Variants in SIRPB2 observed in about 807,000 individuals in gnomAD.
The protein encoded by SIRPB2 is signal-regulatory protein beta-2.
SIRPB2 carries 18 observed loss-of-function variants against 27.1 expected under a neutral mutation model. The ratio of observed to expected loss-of-function variants is 0.66; its 90% CI spans 0.46 to 0.98. The LOEUF is 0.98. Ranked by LOEUF, SIRPB2 falls within the 50% of genes least tolerant of loss-of-function variation. The pLI is 0.00. For missense variants in SIRPB2, 420 were observed against 417.4 expected (o/e 1.01, Z -0.06); for synonymous variants, 150 against 164.6 (o/e 0.91, Z 0.68).
intron 1 of SIRPB2, 33 bp downstream of exon 1, chr20:1,491,242 G>T: frequency 1.3e-6 from 2 of 1,587,060 alleles, no homozygotes; most frequent in Non-Finnish European, 1.7e-6. Flanking sequence ...ACCAGCCGGG[G>T]GTGGACCCTG....
At chr20:1,478,216 G>A (rs529515957) in intron 3 of SIRPB2, 50 bp downstream of exon 3, 13 of 1,561,346 alleles carry the variant, frequency 8.3e-6, no homozygotes, top group African/African-American at 5.4e-5. Context: ...AAAAATTCCT[G>A]TTGAATACCT....
In SIRPB2 at chr20:1,476,348, A is replaced by G; in HGVS notation, c.860-12T>C. The stretch of plus-strand genomic sequence containing the variant: ...CACAACCAGGAGGCCTGGGAGGCAC[A>G]GGAGAGAGCTCAGGCGGGACCCGTG... On this transcript the variant is annotated splice_polypyrimidine_tract_variant and intron_variant, in intron 4 of 4. Coordinates refer to ENST00000359801, the MANE Select transcript of SIRPB2 (RefSeq NM_001122962.2). The G allele has an allele frequency of 6.2e-7, 1 of 1,608,172 alleles. No homozygotes were observed. The highest frequency in any genetic ancestry group is 1.7e-5 in the Admixed American group (1 of 58,890).
downstream of SIRPB2, chr20:1,470,975 T>G: frequency 6.6e-6 from 1 of 152,190 alleles, no homozygotes; most frequent in East Asian, 1.9e-4. Context: ...CTACTGCTGT[T>G]TTTTGCCTGA....
chr20:1,478,620 AGGAGGTCCTT>A lies in SIRPB2; in HGVS notation c.452-23_452-14del. On this transcript the variant is annotated splice_polypyrimidine_tract_variant and intron_variant, in intron 2 of 4. Transcript: ENST00000359801. ...GGGTCCCCAGCTCCTGAAGCCAAAG[AGGAGGTCCTT>A]GTTGAATTCCCTCTCCTCTTCCATC... The A allele has an allele frequency of 6.5e-7, 1 of 1,541,890 alleles. No homozygotes were observed. Among genetic ancestry groups the A allele is most frequent in the Non-Finnish European group, 8.8e-7 (1 of 1,141,694 alleles).
intron 1 of SIRPB2, among the ~76,000 whole-genome samples, chr20:1,490,565 T>C (rs574505311): frequency 1.3e-5 from 2 of 152,028 alleles, no homozygotes; most frequent in Non-Finnish European, 2.9e-5. Context: ...TCGCCAAGAG[T>C]TATCAAATCT....
At chr20:1,482,904 G>A (rs1372515051) in intron 1 of SIRPB2, among the ~76,000 whole-genome samples, 3 of 151,932 alleles carry the variant, frequency 2.0e-5, no homozygotes, top group African/African-American at 7.3e-5. Flanking sequence ...GAATATTGCT[G>A]CAATAAACGT....
chr20:1,478,197 G>T lies in SIRPB2; in HGVS notation c.793+69C>A. On this transcript the variant is annotated intron_variant, in intron 3 of 4. Coordinates refer to ENST00000359801, the MANE Select transcript of SIRPB2 (RefSeq NM_001122962.2). ...GGCTGTGAAGAACTGGCTTGTTCGG[G>T]ACATGTAGAAAAATTCCTGTTGAAT... is the stretch of plus-strand genomic sequence containing the variant. 3.5e-6 allele frequency: 5 copies of T among 1,434,114 alleles called. 1 individual carries two copies. The highest frequency in any genetic ancestry group is 4.9e-6 in the Non-Finnish European group (5 of 1,026,076). 88.8% of individuals were successfully genotyped at this position (1,434,114 alleles called of 1,614,324 possible).
chr20:1,476,432 C>T (rs961988138), intron 4 of SIRPB2, 96 bp from the exon 5 acceptor site: 6 of 1,233,436 alleles, frequency 4.9e-6, no homozygotes, highest in Non-Finnish European at 6.7e-6. Flanking sequence ...CATCCTGCTG[C>T]TGTATAACCT....
At chr20:1,480,254 T>C (rs2090656874) in intron 1 of SIRPB2, 189 bp from the exon 2 acceptor site, 5 of 699,386 alleles carry the variant, frequency 7.1e-6, no homozygotes, top group East Asian at 2.7e-5. Flanking sequence ...AGCTATGCAA[T>C]GGCAAACCTA....
chr20:1,486,081 T>C (rs200682052), intron 1 of SIRPB2, among the ~76,000 whole-genome samples: 8 of 122,486 alleles, frequency 6.5e-5, no homozygotes, highest in South Asian at 6.5e-4. Flanking sequence ...CTTTTCTTTT[T>C]TTTTTTTTTG....
At chr20:1,479,052 A>C (rs1041567845) in intron 2 of SIRPB2, 2 of 168,026 alleles carry the variant, frequency 1.2e-5, no homozygotes, top group Admixed American at 1.1e-4. Flanking sequence ...ACAAGCATCC[A>C]TTCTATTTAA....
intron 1 of SIRPB2, among the ~76,000 whole-genome samples, chr20:1,489,716 C>T (rs746941190): frequency 6.6e-6 from 1 of 151,972 alleles, no homozygotes; most frequent in Non-Finnish European, 1.5e-5. Context: ...CCTTTAAAAG[C>T]CTTATAGAAA....
intron 1 of SIRPB2, among the ~76,000 whole-genome samples, chr20:1,489,837 C>T (rs557497245): frequency 1.3e-5 from 2 of 152,280 alleles, no homozygotes; most frequent in African/African-American, 2.4e-5. Flanking sequence ...GGGCCAGCTA[C>T]GTAATTTGTG....
chr20:1,489,906 C>T (rs2090762190), intron 1 of SIRPB2, among the ~76,000 whole-genome samples: 1 of 152,148 alleles, frequency 6.6e-6, no homozygotes, highest in East Asian at 1.9e-4. Flanking sequence ...AGCAACACAG[C>T]AGAACATTAA....
In SIRPB2 at chr20:1,479,922, T is replaced by C. The variant is rs2090651720; in HGVS notation, c.229A>G (p.Ser77Gly). 6.2e-7 allele frequency: 1 copy of C among 1,614,222 alleles called. No homozygotes were observed. Among genetic ancestry groups the C allele is most frequent in the Non-Finnish European group, 8.5e-7 (1 of 1,180,038 alleles). ...TAAATTTCCTGTTGGTCCTGAGTGC[T>C]CACCTTCACCCATTTTATCATACCA... ...TDGMIKWVKV[S>G]TQDQQEIYNF... is the part of the protein sequence containing the mutation. The change falls in exon 2 of 5, where the codon AGC (serine) becomes GGC (glycine). Residue 77 changes from serine (S) to glycine (G), a missense_variant. By Grantham distance (56) the Ser-to-Gly change is moderately conservative. Transcript: ENST00000359801.
Position 1,476,320 on chromosome 20 carries a change from G to A in SIRPB2, c.876C>T (p.Phe292=), listed in dbSNP as rs751120893. Residue 292 remains phenylalanine (F), a synonymous_variant, in exon 5 of 5, where the codon TTC becomes TTT. Coordinates refer to ENST00000359801, the MANE Select transcript of SIRPB2 (RefSeq NM_001122962.2). Reference sequence around the variant, plus strand: ...CCTTCAGCCCCAGGACCACAGGTGCGAACACAACCAGGAGGCCTGGGAGGC... The same window carrying A: ...CCTTCAGCCCCAGGACCACAGGTGCAAACACAACCAGGAGGCCTGGGAGGC... ...EMSPTGLLVV[F]APVVLGLKAI... The A allele has an allele frequency of 1.4e-5, 23 of 1,612,824 alleles. No individual in the cohort carries two copies. The highest frequency in any genetic ancestry group is 1.7e-5 in the Non-Finnish European group (20 of 1,179,736).
At chr20:1,476,833 G>T in intron 4 of SIRPB2, 1 of 1,077,994 alleles carries the variant, frequency 9.3e-7, no homozygotes, top group Non-Finnish European at 1.1e-6. Context: ...AACATGAGAT[G>T]TGCTAGGCAC....
In SIRPB2 at chr20:1,479,776, G is replaced by A; in HGVS notation, c.375C>T (p.Tyr125=). 6.2e-7 allele frequency: 1 copy of A among 1,614,176 alleles called. No individual in the cohort carries two copies. The highest frequency in any genetic ancestry group is 2.2e-5 in the East Asian group (1 of 44,888). ...TCAAACCATCAAACCTCACACAGTG[G>A]TAGGTTCCAGTGTGCTCCCTGGTGA... ...HNVTREHTGT[Y]HCVRFDGLSE... Residue 125 remains tyrosine, a synonymous_variant, in exon 2 of 5, where the codon TAC becomes TAT. Coordinates refer to ENST00000359801, the MANE Select transcript of SIRPB2 (RefSeq NM_001122962.2).
chr20:1,474,225 T>C (rs2090591407), downstream of SIRPB2, among the ~76,000 whole-genome samples: 1 of 152,236 alleles, frequency 6.6e-6, no homozygotes, highest in Non-Finnish European at 1.5e-5. Flanking sequence ...TTTTCTTTTT[T>C]CTTTTTATTT....
Sources: allele counts gnomAD v4.1 joint callset (sites outside exome capture counted in the v4.1 genomes callset), GRCh38; gene constraint gnomAD v4.1.1; transcripts MANE v1.5; gene names NCBI Gene and HGNC (gene_info 2026-07-23, HGNC 2026-07-21).